TIAM2: variants seen among roughly 807,000 people sequenced by gnomAD.
The protein encoded by TIAM2 is TIAM Rac1 associated GEF 2.
In TIAM2, 80 loss-of-function variants were observed where a neutral mutation model predicts 152.9. The observed-to-expected ratio is 0.52, with a 90% CI of 0.44 to 0.63. The LOEUF is 0.63. TIAM2 is among the 30% of genes least tolerant of loss of function. The probability of loss-of-function intolerance (pLI) is 0.00; values close to 1 mark genes in which losing one functional copy is unlikely to be tolerated. For synonymous variants in TIAM2, 804 were observed against 838.0 expected (o/e 0.96, Z 0.70); for missense variants, 1,965 against 2,120.1 (o/e 0.93, Z 1.44).
intron 1 of TIAM2, among the ~76,000 whole-genome samples, chr6:155,045,080 T>G: frequency 6.9e-6 from 1 of 145,980 alleles, no homozygotes; most frequent in African/African-American, 2.5e-5. Context: ...AGACAGAGTC[T>G]AGCACTGTTG....
chr6:155,202,200 C>G (rs993596091), intron 14 of TIAM2, among the ~76,000 whole-genome samples: 3 of 151,920 alleles, frequency 2.0e-5, no homozygotes, highest in Non-Finnish European at 2.9e-5. Flanking sequence ...TTTTCCCTCT[C>G]AGTTATTTCT....
intron 15 of TIAM2, among the ~76,000 whole-genome samples, chr6:155,239,774 G>T (rs2115305931): frequency 6.6e-6 from 1 of 152,274 alleles, no homozygotes; most frequent in South Asian, 2.1e-4. Flanking sequence ...GACCAGCTTA[G>T]CTCCCTCCTC....
At chr6:155,244,250 C>T (rs562274465) in intron 17 of TIAM2, among the ~76,000 whole-genome samples, 171 bp downstream of exon 17, 2 of 152,192 alleles carry the variant, frequency 1.3e-5, no homozygotes, top group African/African-American at 2.4e-5. Flanking sequence ...GCTGTGGCCT[C>T]GGCTGCATGA....
chr6:154,995,324 CG>C lies in TIAM2; in HGVS notation c.-376del, dbSNP rs1402993935. On this transcript the variant is annotated 5_prime_UTR_variant, in exon 1 of 27. Coordinates refer to ENST00000682666, the MANE Select transcript of TIAM2 (RefSeq NM_012454.4). This position sits in a 1 kb window ranked among gnomAD's most constrained non-coding sequence, Gnocchi z 5.2. ...CGCGCGGGGCTGGGGCAGCGGTAAC[CG>C]TAACTGTGGCCGCGGCCGCCGCAGG... 2 of 151,238 alleles carry C rather than the reference CG, an allele frequency of 1.3e-5. No homozygotes were observed. The highest frequency in any genetic ancestry group is 3.0e-5 in the Non-Finnish European group (2 of 67,640). The allele number at this position is 151,238 out of a possible 1,614,324, so 9.4% of individuals were successfully genotyped here. A position where few individuals can be genotyped will look rare whatever the true frequency, so the allele number is the denominator to read the frequency against.
At position 155,234,003 on chromosome 6, in the gene TIAM2, T is replaced by TGG. The variant is rs1430860867; in HGVS notation, c.3169-6519_3169-6518dup. On this transcript the variant is annotated intron_variant, in intron 15 of 26. Coordinates refer to ENST00000682666, the MANE Select transcript of TIAM2 (RefSeq NM_012454.4). ...AAACAATTTGAGAGAAAATTTTTTT[T>TGG]GGGGGGGGGTTGGGGTTCAATATCA... 2.5e-4 allele frequency among the ~76,000 whole-genome samples: 37 copies of TGG among 147,348 alleles called. 1 individual carries two copies. The highest frequency in any genetic ancestry group is 9.2e-4 in the African/African-American group (36 of 39,130).
At chr6:155,053,636 A>G (rs1478338992) in intron 1 of TIAM2, among the ~76,000 whole-genome samples, 1 of 151,798 alleles carries the variant, frequency 6.6e-6, no homozygotes, top group Non-Finnish European at 1.5e-5. Context: ...ATGCCCAGCT[A>G]ATTTTTGTAT....
At chr6:155,029,505 A>AATATATAGTATAGT (rs1491485212) in intron 1 of TIAM2, among the ~76,000 whole-genome samples, 2 of 28,332 alleles carry the variant, frequency 7.1e-5, no homozygotes, top group African/African-American at 1.4e-4. Flanking sequence ...TATTATATAT[A>AATATATAGTATAGT]ATATATACTA....
chr6:155,241,882 C>T (rs1783051085), intron 16 of TIAM2, among the ~76,000 whole-genome samples: 1 of 152,220 alleles, frequency 6.6e-6, no homozygotes. Flanking sequence ...TTGGAAGCTT[C>T]AGAGCCCTTC....
In TIAM2 at chr6:155,137,419, T is replaced by G; in HGVS notation, c.1437T>G (p.Ser479=). The G allele has an allele frequency of 6.2e-7, 1 of 1,614,188 alleles. No homozygotes were observed. Among genetic ancestry groups the G allele is most frequent in the Non-Finnish European group, 8.5e-7 (1 of 1,180,022 alleles). ...SRTNTENIET[S]TETAESSSES... Reference sequence around the variant, plus strand: ...CCAACACTGAGAACATAGAAACATCTACAGAAACCGCCGAGTCCAGCAGCG... The same window carrying G: ...CCAACACTGAGAACATAGAAACATCGACAGAAACCGCCGAGTCCAGCAGCG... Residue 479 remains serine (S), a synonymous_variant, in exon 5 of 27, where the codon TCT becomes TCG. Transcript: ENST00000682666.
intron 6 of TIAM2, among the ~76,000 whole-genome samples, chr6:155,147,733 C>T (rs971625593): frequency 3.3e-5 from 5 of 152,206 alleles, no homozygotes; most frequent in Non-Finnish European, 5.9e-5. Context: ...GATCCACCTG[C>T]TTCAGCCTCC....
chr6:155,184,748 T>A (rs1211954972), intron 14 of TIAM2, among the ~76,000 whole-genome samples: 1 of 152,216 alleles, frequency 6.6e-6, no homozygotes, highest in Non-Finnish European at 1.5e-5. Flanking sequence ...ATGGTAAGAT[T>A]TGCGATTCAA....
chr6:155,003,980 G>T (rs936813583), intron 1 of TIAM2, among the ~76,000 whole-genome samples: 1 of 152,320 alleles, frequency 6.6e-6, no homozygotes. Flanking sequence ...CCAGAAAAGT[G>T]CATTCTGTTG....
intron 1 of TIAM2, among the ~76,000 whole-genome samples, chr6:154,997,545 G>A (rs938953001): frequency 6.7e-6 from 1 of 149,740 alleles, no homozygotes; most frequent in Non-Finnish European, 1.5e-5. Flanking sequence ...CCCCACTACT[G>A]TACTTAGCAT....
intron 1 of TIAM2, among the ~76,000 whole-genome samples, chr6:155,038,006 CT>C (rs58856753): frequency 0.15 from 22,137 of 152,110 alleles, 1,880 homozygotes; most frequent in East Asian, 0.32. Context: ...GAGGCAGTTT[CT>C]TTTCTCCAGT....
intron 21 of TIAM2, 153 bp from the exon 22 acceptor site, chr6:155,250,759 TC>T: frequency 8.9e-7 from 1 of 1,128,906 alleles, no homozygotes; most frequent in Non-Finnish European, 1.3e-6. Flanking sequence ...TTTCAAAAGC[TC>T]CACCGTTTAA....
Position 155,237,142 on chromosome 6 carries a change from G to C in TIAM2, c.3169-3388G>C, listed in dbSNP as rs112886669. Among the ~76,000 whole-genome samples the C allele has an allele frequency of 5.8e-3, 877 of 152,338 alleles. 9 individuals carry two copies. Among genetic ancestry groups the C allele is most frequent in the African/African-American group, 0.02 (822 of 41,576 alleles). Reference sequence around the variant, plus strand: ...GGGGTACAGGCATTGGGTAAATACAGCCATTCCAAATGGGAGAAATTGGCC... The same window carrying C: ...GGGGTACAGGCATTGGGTAAATACACCCATTCCAAATGGGAGAAATTGGCC... On this transcript the variant is annotated intron_variant, in intron 15 of 26. Coordinates refer to ENST00000682666, the MANE Select transcript of TIAM2 (RefSeq NM_012454.4).
intron 14 of TIAM2, among the ~76,000 whole-genome samples, chr6:155,196,096 A>G (rs941169280): frequency 2.0e-5 from 3 of 152,202 alleles, no homozygotes; most frequent in African/African-American, 7.2e-5. Context: ...GTGGTGCAAC[A>G]GAGGCTTTGC....
rs1007637715 is a variant in TIAM2 at position 155,250,545 on chromosome 6, A to C, written c.3952-368A>C. On this transcript the variant is annotated intron_variant, in intron 21 of 26. Transcript: ENST00000682666. ...CTGGTGCTCTTTTATCAGCAGCCCG[A>C]ATGGAGCTCAGAGGTGATGGATGTA... is the stretch of plus-strand genomic sequence containing the variant. 3 of 1,535,840 alleles carry C rather than the reference A, an allele frequency of 2.0e-6. No individual in the cohort carries two copies. In the African/African-American group the frequency reaches 4.1e-5, roughly 21 times the overall value.
At chr6:155,189,489 G>A (rs543224297) in intron 14 of TIAM2, among the ~76,000 whole-genome samples, 43 of 152,222 alleles carry the variant, frequency 2.8e-4, no homozygotes, top group South Asian at 4.1e-4. Flanking sequence ...GGAAGTGAGC[G>A]TGTGGCTTTC....
Sources: allele counts gnomAD v4.1 joint callset (sites outside exome capture counted in the v4.1 genomes callset), GRCh38; gene constraint gnomAD v4.1.1; non-coding constraint Gnocchi (gnomAD v3.1); transcripts MANE v1.5; gene names NCBI Gene and HGNC (gene_info 2026-07-23, HGNC 2026-07-21).